Variants in SLC24A3 observed in about 807,000 individuals in gnomAD.
SLC24A3 encodes sodium/potassium/calcium exchanger 3.
A neutral mutation model predicts 75.8 loss-of-function variants in SLC24A3; 28 were observed. The observed-to-expected ratio is 0.37, with a 90% CI of 0.27 to 0.51. SLC24A3 has a LOEUF of 0.51. Ranked by LOEUF, SLC24A3 falls within the 20% of genes least tolerant of loss-of-function variation. The pLI, the probability that SLC24A3 is intolerant of heterozygous loss-of-function variation, is 0.94. For missense variants in SLC24A3, 663 were observed against 847.8 expected (o/e 0.78, Z 2.71); for synonymous variants, 372 against 334.1 (o/e 1.11, Z -1.24).
intron 2 of SLC24A3, among the ~76,000 whole-genome samples, chr20:19,315,522 T>G (rs923417004): frequency 3.3e-5 from 5 of 152,216 alleles, no homozygotes; most frequent in African/African-American, 1.2e-4. Flanking sequence ...GTGGGTTATA[T>G]GGCTGGGGGC....
At chr20:19,667,225 C>T (rs753840742) in intron 8 of SLC24A3, among the ~76,000 whole-genome samples, 6 of 152,158 alleles carry the variant, frequency 3.9e-5, no homozygotes, top group Non-Finnish European at 8.8e-5. Flanking sequence ...TGCTAACTCT[C>T]CTCTTTGCAA....
At chr20:19,511,561 T>G (rs1988538468) in intron 2 of SLC24A3, among the ~76,000 whole-genome samples, 1 of 152,008 alleles carries the variant, frequency 6.6e-6, no homozygotes, top group Non-Finnish European at 1.5e-5. Context: ...TCTCCTGACC[T>G]TGTGATCCGC....
At chr20:19,342,390 A>C (rs1435647320) in intron 2 of SLC24A3, among the ~76,000 whole-genome samples, 1 of 152,228 alleles carries the variant, frequency 6.6e-6, no homozygotes, top group African/African-American at 2.4e-5. Context: ...TGTTCCAAAA[A>C]TCAGGTCCTA....
chr20:19,621,640 G>A (rs1045652126), intron 6 of SLC24A3, among the ~76,000 whole-genome samples: 3 of 152,098 alleles, frequency 2.0e-5, no homozygotes, highest in East Asian at 1.9e-4. Context: ...ACTGGGGATC[G>A]GGTTAAAATG....
chr20:19,561,617 T>G (rs908639686), intron 3 of SLC24A3, among the ~76,000 whole-genome samples: 1 of 152,162 alleles, frequency 6.6e-6, no homozygotes, highest in Admixed American at 6.6e-5. Context: ...ACTCAGTTGG[T>G]CCCAGTTTTT....
intron 2 of SLC24A3, among the ~76,000 whole-genome samples, chr20:19,488,947 T>C (rs888265820): frequency 6.6e-6 from 1 of 152,146 alleles, no homozygotes; most frequent in African/African-American, 2.4e-5. Flanking sequence ...TTTGGAGCAG[T>C]TGGGATTTGG....
intron 3 of SLC24A3, among the ~76,000 whole-genome samples, chr20:19,542,514 G>A (rs1304018769): frequency 3.3e-5 from 5 of 152,158 alleles, no homozygotes; most frequent in Admixed American, 6.5e-5. Flanking sequence ...GCTTATGACT[G>A]CAAGATGAAC....
rs576581281 is a variant in SLC24A3 at position 19,521,319 on chromosome 20, C to T, written c.348+5755C>T. Among the ~76,000 whole-genome samples, 13 of 152,332 alleles carry T rather than the reference C, an allele frequency of 8.5e-5. No homozygotes were observed. In the South Asian group the frequency reaches 2.5e-3, roughly 29 times the overall value. The stretch of plus-strand genomic sequence containing the variant: ...GAAGTCTCTAATTATTGGGCCAGCT[C>T]ATACTTTTCCTGCCTGGCCATGGGG... On this transcript the variant is annotated intron_variant, in intron 3 of 16. Coordinates refer to ENST00000328041, the MANE Select transcript of SLC24A3 (RefSeq NM_020689.4).
intron 3 of SLC24A3, among the ~76,000 whole-genome samples, chr20:19,518,156 C>T (rs1355675543): frequency 6.6e-6 from 1 of 152,216 alleles, no homozygotes; most frequent in Non-Finnish European, 1.5e-5. Context: ...GATGTAAGAA[C>T]TGCTGGAAGG....
chr20:19,662,404 C>T (rs1356721965), intron 7 of SLC24A3, among the ~76,000 whole-genome samples: 1 of 152,246 alleles, frequency 6.6e-6, no homozygotes, highest in African/African-American at 2.4e-5. Flanking sequence ...CCTGGAACAC[C>T]ACCTTGCCTC....
chr20:19,698,798 A>G (rs1169237858), intron 15 of SLC24A3, 118 bp downstream of exon 15: 1 of 751,764 alleles, frequency 1.3e-6, no homozygotes, highest in Non-Finnish European at 2.2e-6. Context: ...CGTAATATTG[A>G]GGGGGAAACA....
chr20:19,644,172 A>G (rs116796540), intron 6 of SLC24A3, among the ~76,000 whole-genome samples: 3,959 of 152,202 alleles, frequency 0.026, 164 homozygotes, highest in African/African-American at 0.09. Flanking sequence ...AGGTGTCCCA[A>G]AGGTCCCAGA....
intron 2 of SLC24A3, among the ~76,000 whole-genome samples, chr20:19,345,593 A>G (rs1381311931): frequency 6.6e-6 from 1 of 152,188 alleles, no homozygotes; most frequent in Non-Finnish European, 1.5e-5. Flanking sequence ...ATGAGCAAGA[A>G]AAAAACAAAC....
intron 2 of SLC24A3, among the ~76,000 whole-genome samples, chr20:19,334,145 T>A (rs1463394625): frequency 6.6e-6 from 1 of 152,154 alleles, no homozygotes; most frequent in Non-Finnish European, 1.5e-5. Flanking sequence ...GTGGTCGTTG[T>A]CTCCGTGAGT....
Position 19,541,380 on chromosome 20 carries a change from CTT to C in SLC24A3, c.348+25819_348+25820del, listed in dbSNP as rs529324256. On this transcript the variant is annotated intron_variant, in intron 3 of 16. Transcript: ENST00000328041. Reference sequence around the variant, plus strand: ...CTTCCTTCTCTTCTCTTTTTTCCCACTTTTAGGAAAGCCCATGTCCAGGAGCA... The same window carrying C: ...CTTCCTTCTCTTCTCTTTTTTCCCACTTAGGAAAGCCCATGTCCAGGAGCA... 7.2e-5 allele frequency among the ~76,000 whole-genome samples: 11 copies of C among 152,324 alleles called. No individual in the cohort carries two copies. The East Asian group carries it at 1.7e-3, about 24-fold the overall frequency.
chr20:19,504,128 G>C (rs1199277997), intron 2 of SLC24A3, among the ~76,000 whole-genome samples: 1 of 152,156 alleles, frequency 6.6e-6, no homozygotes, highest in Non-Finnish European at 1.5e-5. Context: ...ATCATTAGCA[G>C]TCAAGCAATG....
At chr20:19,229,748 A>G (rs1043256446) in intron 1 of SLC24A3, among the ~76,000 whole-genome samples, 2 of 151,944 alleles carry the variant, frequency 1.3e-5, no homozygotes, top group Non-Finnish European at 2.9e-5. Flanking sequence ...TAATTTGGAT[A>G]GTTATTTGGC....
Position 19,316,356 on chromosome 20 carries a change from G to T in SLC24A3, c.271+35269G>T, listed in dbSNP as rs1380744434. The stretch of plus-strand genomic sequence containing the variant: ...AAGGGTGAAATAAAGGCTTACCAGG[G>T]TTTACATAAAAGGCCAAGGAAGGCA... On this transcript the variant is annotated intron_variant, in intron 2 of 16. Transcript: ENST00000328041. Among the ~76,000 whole-genome samples the T allele has an allele frequency of 2.0e-5, 3 of 152,160 alleles. No individual in the cohort carries two copies. In the East Asian group the frequency reaches 5.8e-4, roughly 29 times the overall value.
Position 19,696,019 on chromosome 20 carries a change from T to TTTTTTTC in SLC24A3, c.1492-772_1492-771insCTTTTTT, listed in dbSNP as rs1555807710. On this transcript the variant is annotated intron_variant, in intron 13 of 16. Transcript: ENST00000328041. ...CTTTCCCCTTTTTTTCCTTTTCTTTTTTTTTTTTTTTTTTGTGAGACAGGG... is the reference window on the plus strand; with the variant it reads ...CTTTCCCCTTTTTTTCCTTTTCTTTTTTTTTTCTTTTTTTTTTTTTTGTGAGACAGGG... Among the ~76,000 whole-genome samples the TTTTTTTC allele has an allele frequency of 1.5e-5, 2 of 136,876 alleles. 1 individual carries two copies. Among genetic ancestry groups the TTTTTTTC allele is most frequent in the Non-Finnish European group, 3.2e-5 (2 of 62,784 alleles). 89.8% of individuals were successfully genotyped at this position (136,876 alleles called of 152,430 possible).
Sources: gnomAD v4.1 joint callset for allele counts (sites outside exome capture counted in the v4.1 genomes callset) on GRCh38, gnomAD v4.1.1 for gene constraint, MANE v1.5 for transcripts, NCBI Gene and HGNC (gene_info 2026-07-23, HGNC 2026-07-21) for gene names.